Variants in OSBPL10 observed in about 807,000 individuals in gnomAD.
The protein encoded by OSBPL10 is oxysterol-binding protein-related protein 10.
Under a neutral mutation model 81.7 loss-of-function variants are expected in OSBPL10, and 49 were observed. The ratio of observed to expected loss-of-function variants is 0.60; its 90% confidence interval spans 0.48 to 0.76. The LOEUF (loss-of-function observed/expected upper bound fraction) is 0.76, where lower values mean the gene tolerates loss of function less well. Among genes scored for constraint, OSBPL10 ranks in the 30% least tolerant of loss-of-function variants. The pLI is 0.00. For missense variants in OSBPL10, 923 were observed against 987.8 expected, an observed-to-expected ratio of 0.93 and a Z score of 0.88; for synonymous variants, 419 against 383.6, an observed-to-expected ratio of 1.09 and a Z score of -1.08.
At chr3:31,952,488 C>T (rs182499905) in intron 1 of OSBPL10, among the ~76,000 whole-genome samples, 4 of 152,348 alleles carry the variant, frequency 2.6e-5, no homozygotes, top group African/African-American at 9.6e-5. Context: ...TGTGCATCTT[C>T]TTCCTAGCCC....
intron 1 of OSBPL10, among the ~76,000 whole-genome samples, chr3:31,936,833 C>T (rs11925027): frequency 1.3e-5 from 2 of 152,118 alleles, no homozygotes; most frequent in African/African-American, 2.4e-5. Context: ...TCACTGCTGA[C>T]TTTCAAGAAC....
intron 6 of OSBPL10, among the ~76,000 whole-genome samples, chr3:31,727,759 A>C (rs1408595547): frequency 6.6e-6 from 1 of 152,198 alleles, no homozygotes; most frequent in Non-Finnish European, 1.5e-5. Flanking sequence ...TCATCTCTAA[A>C]AATCTATCAC....
In OSBPL10 at chr3:31,953,711, G is replaced by T. The variant is rs192989521; in HGVS notation, c.281+27188C>A. On this transcript the variant is annotated intron_variant, in intron 1 of 11. Coordinates refer to ENST00000396556, the MANE Select transcript of OSBPL10 (RefSeq NM_017784.5). The stretch of plus-strand genomic sequence containing the variant: ...GTGAGCCACCACACCTGGCCACAAT[G>T]GCCATTCTTCATTAACCCTTTTCCT... 8.5e-5 allele frequency among the ~76,000 whole-genome samples: 13 copies of T among 152,286 alleles called. 1 individual carries two copies. In the East Asian group the frequency reaches 1.7e-3, roughly 20 times the overall value.
In OSBPL10 at chr3:31,940,512, C is replaced by T. The variant is rs1232591703; in HGVS notation, c.281+40387G>A. On this transcript the variant is annotated intron_variant, in intron 1 of 11. Coordinates refer to ENST00000396556, the MANE Select transcript of OSBPL10 (RefSeq NM_017784.5). ...TTGATAATATGAATGTATAAAATTG[C>T]CACCTCATTTCCCTTTTTTAAGTAT... Among the ~76,000 whole-genome samples the T allele has an allele frequency of 2.6e-5, 4 of 152,116 alleles. No homozygotes were observed. In the South Asian group the frequency reaches 6.2e-4, roughly 24 times the overall value.
rs769876621 is a variant in OSBPL10, at chr3:31,830,135, C to A, written c.634G>T (p.Ala212Ser). Residue 212 changes from alanine to serine, a missense_variant, in exon 4 of 12, where the codon GCC becomes TCC. Physicochemically the swap from Ala to Ser is moderately conservative, Grantham distance 99. Transcript: ENST00000396556. ...PCSQRHLSVGAPGVVTITHHK... is the reference protein window; with the variant it reads ...PCSQRHLSVGSPGVVTITHHK... The stretch of plus-strand genomic sequence containing the variant: ...TGCGTGATTGTGACAACACCGGGGG[C>A]CCCCACACTGAGGTGTCTCTGGCTA... 19 of 1,613,962 alleles carry A rather than the reference C, an allele frequency of 1.2e-5. No homozygotes were observed. Among genetic ancestry groups the A allele is most frequent in the East Asian group, 2.2e-5 (1 of 44,880 alleles).
At chr3:31,724,678 G>C (rs1269841216) in intron 6 of OSBPL10, among the ~76,000 whole-genome samples, 1 of 152,136 alleles carries the variant, frequency 6.6e-6, no homozygotes, top group African/African-American at 2.4e-5. Flanking sequence ...CCCCAAAACT[G>C]CACAGAAAAA....
chr3:32,054,318 A>G (rs1003230490), intron 1 of OSBPL10, among the ~76,000 whole-genome samples: 4 of 152,176 alleles, frequency 2.6e-5, no homozygotes, highest in South Asian at 4.1e-4. Flanking sequence ...CTTATTTGGT[A>G]TAAAAATCAC....
chr3:31,732,916 C>A (rs555829530), intron 6 of OSBPL10: 4 of 296,570 alleles, frequency 1.3e-5, no homozygotes, highest in Non-Finnish European at 1.9e-5. Context: ...TTCAGGGGAG[C>A]GACATAATAT....
At chr3:31,971,150 T>C (rs200860854) in intron 1 of OSBPL10, among the ~76,000 whole-genome samples, 17,492 of 145,980 alleles carry the variant, frequency 0.12, 1,288 homozygotes, top group East Asian at 0.29. Context: ...TTTTTTTTTT[T>C]TTTTTTTTGA....
chr3:31,769,540 T>C (rs1459583688), intron 4 of OSBPL10, among the ~76,000 whole-genome samples: 2 of 144,420 alleles, frequency 1.4e-5, no homozygotes, highest in African/African-American at 5.1e-5. Context: ...TATAAAAATA[T>C]ATTTTATTAA....
At chr3:31,719,884 A>G (rs1196682554) in intron 6 of OSBPL10, among the ~76,000 whole-genome samples, 1 of 151,998 alleles carries the variant, frequency 6.6e-6, no homozygotes, top group African/African-American at 2.4e-5. Context: ...ATTATGATAT[A>G]TTCATAGACT....
intron 1 of OSBPL10, among the ~76,000 whole-genome samples, chr3:31,967,792 C>T (rs910303738): frequency 1.3e-5 from 2 of 152,158 alleles, no homozygotes; most frequent in African/African-American, 4.8e-5. Flanking sequence ...AATTGCCTAA[C>T]AATCATTTTT....
intron 1 of OSBPL10, among the ~76,000 whole-genome samples, chr3:32,071,174 G>GT (rs898444814): frequency 2.4e-4 from 36 of 152,110 alleles, no homozygotes; most frequent in Admixed American, 1.0e-3. Flanking sequence ...ACCTACCTAA[G>GT]TATAGTTCTT....
chr3:31,953,719 T>C (rs1008782404), intron 1 of OSBPL10, among the ~76,000 whole-genome samples: 4 of 152,246 alleles, frequency 2.6e-5, no homozygotes, highest in African/African-American at 9.6e-5. Context: ...ATGGCCATTC[T>C]TCATTAACCC....
intron 6 of OSBPL10, among the ~76,000 whole-genome samples, chr3:31,727,039 C>T (rs1696829969): frequency 6.6e-6 from 1 of 151,898 alleles, no homozygotes; most frequent in East Asian, 1.9e-4. Flanking sequence ...GTCTATCTTG[C>T]CCAGGTTGGT....
At chr3:31,896,779 CT>C (rs1696072654) in intron 1 of OSBPL10, among the ~76,000 whole-genome samples, 1 of 152,216 alleles carries the variant, frequency 6.6e-6, no homozygotes, top group Non-Finnish European at 1.5e-5. Flanking sequence ...GCCTATGCCT[CT>C]TCCCTACTCA....
intron 1 of OSBPL10, among the ~76,000 whole-genome samples, chr3:31,913,709 A>G (rs796755117): frequency 2.0e-5 from 3 of 152,214 alleles, no homozygotes; most frequent in Non-Finnish European, 4.4e-5. Context: ...AACAAAATAT[A>G]TGTATATAAA....
intron 3 of OSBPL10, among the ~76,000 whole-genome samples, chr3:31,845,210 C>A (rs568045509): frequency 2.4e-4 from 36 of 152,290 alleles, no homozygotes; most frequent in African/African-American, 8.4e-4. Flanking sequence ...TTTCTGCCTG[C>A]CTGCCTCCAT....
chr3:31,865,112 T>C (rs988853502), intron 3 of OSBPL10, among the ~76,000 whole-genome samples: 1 of 152,154 alleles, frequency 6.6e-6, no homozygotes, highest in African/African-American at 2.4e-5. Context: ...GGGAGCCCCA[T>C]TAAACCTCTG....
Sources: allele counts gnomAD v4.1 joint callset (sites outside exome capture counted in the v4.1 genomes callset), GRCh38; gene constraint gnomAD v4.1.1; transcripts MANE v1.5; gene names NCBI Gene and HGNC (gene_info 2026-07-23, HGNC 2026-07-21).